SLC35F1: variants seen among roughly 807,000 people sequenced by gnomAD.
SLC35F1 encodes the protein solute carrier family 35 member F1.
Under a neutral mutation model 48.7 loss-of-function variants are expected in SLC35F1, and 14 were observed. The ratio of observed to expected loss-of-function variants is 0.29; its 90% confidence interval spans 0.19 to 0.45. SLC35F1 has a LOEUF of 0.45. Ranked by LOEUF, SLC35F1 falls within the 20% of genes least tolerant of loss-of-function variation. The pLI, the probability that SLC35F1 is intolerant of heterozygous loss-of-function variation, is 1.00. For missense variants in SLC35F1, 404 were observed against 500.0 expected (o/e 0.81, Z 1.83); for synonymous variants, 190 against 202.2 (o/e 0.94, Z 0.51).
chr6:118,266,890 G>A (rs2114620205), intron 3 of SLC35F1, 105 bp from the exon 4 acceptor site: 6 of 1,273,686 alleles, frequency 4.7e-6, no homozygotes, highest in African/African-American at 4.4e-5. Flanking sequence ...TCAGGTTCAG[G>A]GGAAAGGCAG....
intron 1 of SLC35F1, among the ~76,000 whole-genome samples, chr6:117,955,376 G>A (rs187783696): frequency 2.6e-5 from 4 of 152,334 alleles, no homozygotes; most frequent in Admixed American, 2.6e-4. Flanking sequence ...TGCGTGGTCT[G>A]ACAAGTGGTC....
chr6:117,960,233 T>C (rs112400353), intron 1 of SLC35F1, among the ~76,000 whole-genome samples: 4 of 151,438 alleles, frequency 2.6e-5, no homozygotes, highest in African/African-American at 9.7e-5. Context: ...GATGTGTGTA[T>C]TCAGAACACA....
At chr6:117,999,656 A>G (rs1777060505) in intron 1 of SLC35F1, among the ~76,000 whole-genome samples, 1 of 152,182 alleles carries the variant, frequency 6.6e-6, no homozygotes, top group South Asian at 2.1e-4. Flanking sequence ...TAATGAATCC[A>G]GGAGCTGGTT....
chr6:118,014,633 G>A (rs1477984584), intron 1 of SLC35F1, among the ~76,000 whole-genome samples: 1 of 152,190 alleles, frequency 6.6e-6, no homozygotes, highest in African/African-American at 2.4e-5. Flanking sequence ...CTCAGGAGCT[G>A]TGGAGAACTC....
chr6:117,999,236 G>A, intron 1 of SLC35F1: 1 of 1,596,384 alleles, frequency 6.3e-7, no homozygotes, highest in South Asian at 1.1e-5. Context: ...GATCCCAAAG[G>A]GAGTCAGCTG....
intron 1 of SLC35F1, among the ~76,000 whole-genome samples, chr6:118,015,562 C>T (rs1311188505): frequency 6.6e-6 from 1 of 151,744 alleles, no homozygotes; most frequent in African/African-American, 2.4e-5. Context: ...TCCTGCATTA[C>T]TTTGTTAAGG....
intron 3 of SLC35F1, among the ~76,000 whole-genome samples, chr6:118,253,235 C>T (rs539230356): frequency 4.7e-4 from 71 of 152,004 alleles, no homozygotes; most frequent in African/African-American, 1.6e-3. Context: ...AAGCCAGGAA[C>T]GCGTAAAGGA....
At chr6:118,207,662 C>T (rs1562325528) in intron 2 of SLC35F1, among the ~76,000 whole-genome samples, 1 of 152,102 alleles carries the variant, frequency 6.6e-6, no homozygotes, top group Non-Finnish European at 1.5e-5. Context: ...CAGACCTTCC[C>T]AGGGACCTAA....
intron 2 of SLC35F1, among the ~76,000 whole-genome samples, chr6:118,168,547 C>T (rs781072715): frequency 2.6e-5 from 4 of 152,100 alleles, no homozygotes; most frequent in Admixed American, 1.3e-4. Context: ...TATTTTCAGA[C>T]GGTGGTTAAC....
chr6:118,094,722 C>T (rs937048305), intron 1 of SLC35F1, among the ~76,000 whole-genome samples: 1 of 152,066 alleles, frequency 6.6e-6, no homozygotes, highest in East Asian at 1.9e-4. Context: ...AATCCCAGCA[C>T]TTTGGGAGGG....
chr6:117,938,664 T>C (rs180754016), intron 1 of SLC35F1, among the ~76,000 whole-genome samples: 4 of 152,210 alleles, frequency 2.6e-5, no homozygotes, highest in African/African-American at 9.7e-5. Context: ...TTTCTTCCTT[T>C]TTGGTAATTC....
intron 1 of SLC35F1, among the ~76,000 whole-genome samples, chr6:117,943,684 T>C (rs1776260603): frequency 6.6e-6 from 1 of 152,226 alleles, no homozygotes; most frequent in East Asian, 1.9e-4. Context: ...ATTGTTGAAG[T>C]GAACATGAGG....
intron 2 of SLC35F1, among the ~76,000 whole-genome samples, chr6:118,163,239 C>A (rs772610704): frequency 6.6e-6 from 1 of 152,118 alleles, no homozygotes; most frequent in Non-Finnish European, 1.5e-5. Context: ...GCTGGGATTA[C>A]AGACCTGAGC....
At chr6:118,176,492 G>A (rs1422499739) in intron 2 of SLC35F1, among the ~76,000 whole-genome samples, 2 of 151,984 alleles carry the variant, frequency 1.3e-5, no homozygotes, top group Non-Finnish European at 2.9e-5. Flanking sequence ...ATAGTGCTGG[G>A]CCTCTTTTTT....
chr6:118,003,267 A>G (rs1163271256), intron 1 of SLC35F1, among the ~76,000 whole-genome samples: 3 of 152,222 alleles, frequency 2.0e-5, no homozygotes, highest in Non-Finnish European at 4.4e-5. Flanking sequence ...GGACTGTCTG[A>G]AGAGGTTAAG....
intron 1 of SLC35F1, among the ~76,000 whole-genome samples, chr6:118,138,279 G>A (rs960495830): frequency 6.7e-6 from 1 of 149,198 alleles, no homozygotes. Context: ...CTGCACTTCA[G>A]CCTTGTATCA....
chr6:117,979,720 A>G (rs929308360), intron 1 of SLC35F1, among the ~76,000 whole-genome samples: 1 of 152,164 alleles, frequency 6.6e-6, no homozygotes, highest in African/African-American at 2.4e-5. Context: ...AAGTCATGTA[A>G]GAGGGTCTGT....
At chr6:117,989,092 G>A (rs930894179) in intron 1 of SLC35F1, among the ~76,000 whole-genome samples, 1 of 152,290 alleles carries the variant, frequency 6.6e-6, no homozygotes, top group African/African-American at 2.4e-5. Flanking sequence ...CGGATGATTC[G>A]TAGTCAGTGA....
chr6:118,243,489 C>T (rs1775466760), intron 3 of SLC35F1, among the ~76,000 whole-genome samples: 1 of 152,116 alleles, frequency 6.6e-6, no homozygotes. Flanking sequence ...GGATACAACC[C>T]CTGATCAGAC....
Sources: allele counts gnomAD v4.1 joint callset (sites outside exome capture counted in the v4.1 genomes callset), GRCh38; gene constraint gnomAD v4.1.1; transcripts MANE v1.5; gene names NCBI Gene and HGNC (gene_info 2026-07-23, HGNC 2026-07-21).